The following PDE3A variants were observed in gnomAD, a reference collection of about 807,000 sequenced individuals.
PDE3A encodes phosphodiesterase 3A.
In PDE3A, 43 loss-of-function variants were observed where a neutral mutation model predicts 98.3. That is an observed-to-expected ratio of 0.44 (90% CI 0.34 to 0.56). The LOEUF (loss-of-function observed/expected upper bound fraction) is 0.56, where lower values mean the gene tolerates loss of function less well. PDE3A is among the 20% of genes least tolerant of loss of function. The pLI is 0.01. For synonymous variants in PDE3A, 663 were observed against 567.9 expected, an observed-to-expected ratio of 1.17 and a Z score of -2.38; for missense variants, 1,427 against 1,440.7, an observed-to-expected ratio of 0.99 and a Z score of 0.15.
At chr12:20,386,155 A>T in intron 1 of PDE3A, among the ~76,000 whole-genome samples, 1 of 96,932 alleles carries the variant, frequency 1.0e-5, no homozygotes, top group African/African-American at 4.1e-5. Context: ...ATATATATAA[A>T]TATATATAAA....
At chr12:20,427,633 A>G (rs902881585) in intron 1 of PDE3A, among the ~76,000 whole-genome samples, 30 of 152,190 alleles carry the variant, frequency 2.0e-4, no homozygotes, top group African/African-American at 7.0e-4. Context: ...TGAAAAAGCA[A>G]TAAATAGGCT....
chr12:20,531,469 T>A (rs1347995178), intron 1 of PDE3A, among the ~76,000 whole-genome samples: 1 of 152,190 alleles, frequency 6.6e-6, no homozygotes, highest in African/African-American at 2.4e-5. Flanking sequence ...TCACAATCAT[T>A]ATATTAGATA....
At chr12:20,444,372 A>G (rs1944919427) in intron 1 of PDE3A, among the ~76,000 whole-genome samples, 1 of 152,200 alleles carries the variant, frequency 6.6e-6, no homozygotes, top group Non-Finnish European at 1.5e-5. Context: ...CACATAAACA[A>G]CAGAGAGCAA....
chr12:20,445,474 A>C (rs1216384775), intron 1 of PDE3A, among the ~76,000 whole-genome samples: 1 of 152,186 alleles, frequency 6.6e-6, no homozygotes, highest in African/African-American at 2.4e-5. Flanking sequence ...AGTATAGCCA[A>C]ATGGATATCG....
chr12:20,487,501 TAAA>T (rs34671800), intron 1 of PDE3A, among the ~76,000 whole-genome samples: 4 of 61,994 alleles, frequency 6.5e-5, no homozygotes, highest in African/African-American at 1.9e-4. Flanking sequence ...CTGTCTCTAC[TAAA>T]AAAAAAAAAA....
intron 1 of PDE3A, among the ~76,000 whole-genome samples, chr12:20,383,725 A>G (rs1328594591): frequency 1.3e-5 from 2 of 151,972 alleles, no homozygotes; most frequent in African/African-American, 4.8e-5. Flanking sequence ...CAGACAGTCC[A>G]TGGATTTCCA....
intron 2 of PDE3A, among the ~76,000 whole-genome samples, chr12:20,563,354 C>T (rs934944597): frequency 2.6e-5 from 4 of 152,030 alleles, no homozygotes; most frequent in Non-Finnish European, 4.4e-5. Context: ...GAAGTTAATT[C>T]CTTTTAATAC....
chr12:20,528,056 A>G (rs1277957981), intron 1 of PDE3A, among the ~76,000 whole-genome samples: 1 of 152,130 alleles, frequency 6.6e-6, no homozygotes, highest in Non-Finnish European at 1.5e-5. Context: ...CCTTTTGAGC[A>G]GGTTTTAAAA....
rs11045207 is a variant in PDE3A, at chr12:20,393,696, T to A, written c.960+23452T>A. Among the ~76,000 whole-genome samples, 1,338 of 152,162 alleles carry A rather than the reference T, an allele frequency of 8.8e-3. 35 individuals carry two copies. In the East Asian group the frequency reaches 0.098, roughly 11 times the overall value. On this transcript the variant is annotated intron_variant, in intron 1 of 15. Coordinates refer to ENST00000359062, the MANE Select transcript of PDE3A (RefSeq NM_000921.5). ...AGCTGGAAAAGGAAGGCTTGAGATT[T>A]GATGCACTAAATTCTGTGTACTTTT...
At chr12:20,526,202 A>G (rs928839987) in intron 1 of PDE3A, among the ~76,000 whole-genome samples, 1 of 152,124 alleles carries the variant, frequency 6.6e-6, no homozygotes, top group African/African-American at 2.4e-5. Flanking sequence ...TCTTCTATTT[A>G]GTTGATACTA....
chr12:20,408,639 T>C (rs1481076065), intron 1 of PDE3A, among the ~76,000 whole-genome samples: 3 of 152,216 alleles, frequency 2.0e-5, no homozygotes, highest in Non-Finnish European at 4.4e-5. Flanking sequence ...TCTCATTTTT[T>C]CCTTTCAGAG....
In PDE3A at chr12:20,633,771, T is replaced by A; in HGVS notation, c.1839T>A (p.Ser613Arg). ...GTGGGGTAGCCACTCGGACACCAAGTAGAACAGGTAATTCATTGTTTTGGA... is the reference window on the plus strand; with the variant it reads ...GTGGGGTAGCCACTCGGACACCAAGAAGAACAGGTAATTCATTGTTTTGGA... Reference protein sequence around the residue: ...ERSGVATRTPSRTDDTAQVTS... With the variant: ...ERSGVATRTPRRTDDTAQVTS... The change falls in exon 7 of 16, where the codon AGT (serine) becomes AGA (arginine). Residue 613 changes from serine (S) to arginine (R), a missense_variant. Ser to Arg is a moderately radical substitution (Grantham distance 110). Coordinates refer to ENST00000359062, the MANE Select transcript of PDE3A (RefSeq NM_000921.5). 1 of 1,576,814 alleles carries A rather than the reference T, an allele frequency of 6.3e-7. No individual in the cohort carries two copies. Among genetic ancestry groups the A allele is most frequent in the Non-Finnish European group, 8.7e-7 (1 of 1,152,320 alleles).
Position 20,369,201 on chromosome 12 carries a change from GTGT to G in PDE3A, c.-83_-81del. The stretch of plus-strand genomic sequence containing the variant: ...GAAGAGCGTGCGTGCGTGTGTGTGT[GTGT>G]GTGTGTGCGCGCGCGCGCGTGGGTC... On this transcript the variant is annotated 5_prime_UTR_variant, in exon 1 of 16. Coordinates refer to ENST00000359062, the MANE Select transcript of PDE3A (RefSeq NM_000921.5). The G allele has an allele frequency of 2.3e-6, 2 of 859,634 alleles. No homozygotes were observed. Among genetic ancestry groups the G allele is most frequent in the Non-Finnish European group, 3.5e-6 (2 of 565,332 alleles). 53.3% of individuals were successfully genotyped at this position (859,634 alleles called of 1,614,324 possible).
chr12:20,480,381 T>A (rs1257087460), intron 1 of PDE3A, among the ~76,000 whole-genome samples: 1 of 152,252 alleles, frequency 6.6e-6, no homozygotes, highest in Non-Finnish European at 1.5e-5. Context: ...TCCATTAACA[T>A]CTTTATCATT....
At chr12:20,530,195 AT>A (rs779994361) in intron 1 of PDE3A, among the ~76,000 whole-genome samples, 1 of 152,164 alleles carries the variant, frequency 6.6e-6, no homozygotes, top group African/African-American at 2.4e-5. Context: ...GAATAATATA[AT>A]TGTTATATCT....
intron 15 of PDE3A, among the ~76,000 whole-genome samples, chr12:20,663,966 C>A (rs1445286223): frequency 1.3e-5 from 2 of 151,960 alleles, no homozygotes; most frequent in African/African-American, 4.8e-5. Context: ...GCGGGAGGGA[C>A]CCAGTGGGAG....
At chr12:20,377,371 C>A (rs562313765) in intron 1 of PDE3A, among the ~76,000 whole-genome samples, 9 of 151,568 alleles carry the variant, frequency 5.9e-5, no homozygotes, top group Non-Finnish European at 1.2e-4. Flanking sequence ...AACATGTAAT[C>A]GGTGTAAAAA....
intron 1 of PDE3A, among the ~76,000 whole-genome samples, chr12:20,372,728 C>CT (rs1204105043): frequency 1.3e-4 from 20 of 152,024 alleles, no homozygotes; most frequent in Non-Finnish European, 2.6e-4. Flanking sequence ...ATGTCATCTG[C>CT]TTTTTTTCTG....
chr12:20,512,750 C>T (rs888593931), intron 1 of PDE3A, among the ~76,000 whole-genome samples: 1 of 152,060 alleles, frequency 6.6e-6, no homozygotes, highest in Non-Finnish European at 1.5e-5. Flanking sequence ...ATTGCAACTT[C>T]GTTACGTTAG....
Sources: gnomAD v4.1 joint callset for allele counts (sites outside exome capture counted in the v4.1 genomes callset) on GRCh38, gnomAD v4.1.1 for gene constraint, MANE v1.5 for transcripts, NCBI Gene and HGNC (gene_info 2026-07-23, HGNC 2026-07-21) for gene names.